Variants in GRIA1 observed in about 807,000 individuals in gnomAD.
GRIA1 encodes glutamate ionotropic receptor AMPA type subunit 1, also known as glutamate receptor 1.
A neutral mutation model predicts 99.2 loss-of-function variants in GRIA1; 31 were observed. The ratio of observed to expected loss-of-function variants is 0.31; its 90% CI spans 0.23 to 0.42. The LOEUF (loss-of-function observed/expected upper bound fraction) is 0.42. Ranked by LOEUF, GRIA1 falls within the 10% of genes least tolerant of loss-of-function variation. GRIA1 has a pLI of 1.00. For missense variants in GRIA1, 782 were observed against 1,157.5 expected, an observed-to-expected ratio of 0.68 and a Z score of 4.71; for synonymous variants, 438 against 432.4, an observed-to-expected ratio of 1.01 and a Z score of -0.16.
chr5:153,664,714 A>C (rs1377171463), intron 5 of GRIA1, among the ~76,000 whole-genome samples: 1 of 152,168 alleles, frequency 6.6e-6, no homozygotes, highest in Non-Finnish European at 1.5e-5. Context: ...TGACAGTGTT[A>C]AGCACTCATG....
chr5:153,781,128 T>C lies in GRIA1; in HGVS notation c.2270+10713T>C, dbSNP rs570441742. 3.9e-5 allele frequency among the ~76,000 whole-genome samples: 6 copies of C among 152,278 alleles called. No homozygotes were observed. In the South Asian group the frequency reaches 8.3e-4, roughly 21 times the overall value. On this transcript the variant is annotated intron_variant, in intron 13 of 15. Coordinates refer to ENST00000285900, the MANE Select transcript of GRIA1 (RefSeq NM_000827.4). ...GCTTAACAATCATATCTAATCAGCC[T>C]GTTCCTCAGAGTGAAAGGGGCAAAA...
chr5:153,790,824 G>A (rs971669811), intron 13 of GRIA1, among the ~76,000 whole-genome samples: 2 of 152,042 alleles, frequency 1.3e-5, no homozygotes, highest in African/African-American at 4.8e-5. Context: ...GTGAAAACTA[G>A]ATATCTAGAA....
At position 153,580,622 on chromosome 5, in the gene GRIA1, A is replaced by T. The variant is rs532852137; in HGVS notation, c.221-66306A>T. Among the ~76,000 whole-genome samples the T allele has an allele frequency of 7.9e-5, 12 of 152,322 alleles. No individual in the cohort carries two copies. The East Asian group carries it at 2.3e-3, about 29-fold the overall frequency. ...ACATGAGGTTCCTCTGGGATAAAGG[A>T]TGAGAAGATACTTTGTATTTTGTAA... On this transcript the variant is annotated intron_variant, in intron 2 of 15. Coordinates refer to ENST00000285900, the MANE Select transcript of GRIA1 (RefSeq NM_000827.4).
At chr5:153,729,447 AG>A (rs1332291147) in intron 11 of GRIA1, among the ~76,000 whole-genome samples, 1 of 152,032 alleles carries the variant, frequency 6.6e-6, no homozygotes, top group Non-Finnish European at 1.5e-5. Context: ...GTTGGTGTTA[AG>A]TAGTGCATTT....
At chr5:153,514,801 A>G (rs1337938330) in intron 2 of GRIA1, among the ~76,000 whole-genome samples, 1 of 152,202 alleles carries the variant, frequency 6.6e-6, no homozygotes, top group Non-Finnish European at 1.5e-5. Flanking sequence ...AAAGACTTGA[A>G]TGGACATTCC....
chr5:153,758,522 T>C (rs1344438549), intron 11 of GRIA1, among the ~76,000 whole-genome samples: 4 of 151,948 alleles, frequency 2.6e-5, no homozygotes, highest in African/African-American at 4.8e-5. Flanking sequence ...ATAATAATTA[T>C]AAATATATAT....
At chr5:153,761,985 G>A (rs1247636430) in intron 11 of GRIA1, among the ~76,000 whole-genome samples, 1 of 152,180 alleles carries the variant, frequency 6.6e-6, no homozygotes, top group Non-Finnish European at 1.5e-5. Context: ...TAGCAGTGCA[G>A]AGTAAAACAG....
chr5:153,507,966 A>G (rs1218214128), intron 2 of GRIA1, among the ~76,000 whole-genome samples: 2 of 152,178 alleles, frequency 1.3e-5, no homozygotes, highest in African/African-American at 4.8e-5. Context: ...AATAGTCTCT[A>G]CCACATTGAG....
chr5:153,559,191 C>T (rs572112708), intron 2 of GRIA1, among the ~76,000 whole-genome samples: 39 of 152,318 alleles, frequency 2.6e-4, no homozygotes, highest in Middle Eastern at 3.4e-3. Flanking sequence ...GATTCAGACA[C>T]TAATCTCAGG....
Position 153,754,789 on chromosome 5 carries a change from G to T in GRIA1, c.1824-9645G>T, listed in dbSNP as rs368622562. On this transcript the variant is annotated intron_variant, in intron 11 of 15. Coordinates refer to ENST00000285900, the MANE Select transcript of GRIA1 (RefSeq NM_000827.4). ...ACTATTTATGCATTCATTTACTAAT[G>T]AGGGCCTGCTCCATGCTGAGCACTG... 3.3e-5 allele frequency among the ~76,000 whole-genome samples: 5 copies of T among 152,318 alleles called. No homozygotes were observed. The East Asian group carries it at 9.7e-4, about 29-fold the overall frequency.
intron 2 of GRIA1, among the ~76,000 whole-genome samples, chr5:153,556,648 T>C (rs1436188270): frequency 1.3e-5 from 2 of 152,144 alleles, no homozygotes; most frequent in African/African-American, 4.8e-5. Flanking sequence ...ATTTTTGAAA[T>C]AAGCAGGTGT....
At chr5:153,743,487 T>C (rs1338674471) in intron 11 of GRIA1, among the ~76,000 whole-genome samples, 4 of 151,922 alleles carry the variant, frequency 2.6e-5, no homozygotes, top group African/African-American at 7.3e-5. Context: ...TTCTTGTAGA[T>C]ATAAGACTGA....
At chr5:153,782,763 C>T (rs1325371000) in intron 13 of GRIA1, among the ~76,000 whole-genome samples, 1 of 152,146 alleles carries the variant, frequency 6.6e-6, no homozygotes, top group Non-Finnish European at 1.5e-5. Context: ...GTAGAGAGAA[C>T]AGCCAGGCGG....
chr5:153,529,790 CT>C (rs1056653428), intron 2 of GRIA1, among the ~76,000 whole-genome samples: 5 of 152,090 alleles, frequency 3.3e-5, no homozygotes, highest in Non-Finnish European at 7.4e-5. Context: ...ACTCCCCAAC[CT>C]TTTGCTTTTC....
chr5:153,546,783 G>A (rs1174619421), intron 2 of GRIA1, among the ~76,000 whole-genome samples: 1 of 152,182 alleles, frequency 6.6e-6, no homozygotes, highest in Non-Finnish European at 1.5e-5. Flanking sequence ...GTATGTTAAT[G>A]TGAAGAACCA....
At chr5:153,559,930 G>C (rs1760976387) in intron 2 of GRIA1, among the ~76,000 whole-genome samples, 1 of 151,944 alleles carries the variant, frequency 6.6e-6, no homozygotes, top group Non-Finnish European at 1.5e-5. Context: ...TTATCCTTCT[G>C]ACACACCCTA....
chr5:153,601,607 A>C (rs73285902), intron 2 of GRIA1, among the ~76,000 whole-genome samples: 7 of 152,238 alleles, frequency 4.6e-5, no homozygotes, highest in African/African-American at 1.7e-4. Flanking sequence ...CCAGATTGTT[A>C]GGGCTGAGCT....
chr5:153,659,739 C>T (rs2910267), intron 5 of GRIA1, among the ~76,000 whole-genome samples: 84,604 of 151,956 alleles, frequency 0.56, 24,253 homozygotes, highest in Non-Finnish European at 0.6. Flanking sequence ...GATTGTTATA[C>T]TGGTATTTAG....
At chr5:153,569,514 G>T (rs1761927776) in intron 2 of GRIA1, among the ~76,000 whole-genome samples, 1 of 152,258 alleles carries the variant, frequency 6.6e-6, no homozygotes, top group African/African-American at 2.4e-5. Context: ...CTGCTGAGCA[G>T]CTGTATGGGG....
Sources: gnomAD v4.1 joint callset for allele counts (sites outside exome capture counted in the v4.1 genomes callset) on GRCh38, gnomAD v4.1.1 for gene constraint, MANE v1.5 for transcripts, NCBI Gene and HGNC (gene_info 2026-07-23, HGNC 2026-07-21) for gene names.